IRX6: variants seen among roughly 807,000 people sequenced by gnomAD.
IRX6 encodes iroquois-class homeodomain protein IRX-6.
Under a neutral mutation model 47.7 loss-of-function variants are expected in IRX6, and 46 were observed. That is an observed-to-expected ratio of 0.96 (90% CI 0.76 to 1.23). The LOEUF (loss-of-function observed/expected upper bound fraction) is 1.23, where lower values mean the gene tolerates loss of function less well. IRX6 is among the 50% of genes most tolerant of loss of function. IRX6 has a pLI of 0.00. For synonymous variants in IRX6, 265 were observed against 246.2 expected (o/e 1.08, Z -0.72); for missense variants, 722 against 588.0 (o/e 1.23, Z -2.36).
intron 5 of IRX6, 130 bp from the exon 6 acceptor site, chr16:55,330,168 C>T (rs1960617391): frequency 2.5e-6 from 2 of 799,508 alleles, no homozygotes; most frequent in Non-Finnish European, 4.4e-6. Flanking sequence ...CGGATCCAAA[C>T]ATTACCTCTG....
chr16:55,325,567 A>G (rs76358269), intron 1 of IRX6, among the ~76,000 whole-genome samples: 1,495 of 57,222 alleles, frequency 0.026, 300 homozygotes, highest in Non-Finnish European at 0.035. Flanking sequence ...GAGAGAAAGA[A>G]AGAGAAAGAA....
Position 55,327,592 on chromosome 16 carries a change from C to T in IRX6, c.420C>T (p.Gly140=), listed in dbSNP as rs146328122. 3.4e-3 allele frequency: 5,509 copies of T among 1,600,564 alleles called. 11 individuals are homozygous for T. The highest frequency in any genetic ancestry group is 4.5e-3 in the Non-Finnish European group (5,245 of 1,173,892). Residue 140 remains glycine (G), a synonymous_variant, in exon 4 of 6, where the codon GGC becomes GGT. Transcript: ENST00000290552. ...GCCAGGTTCTCCCCCACAGGTATGG[C>T]GCAGTGGAATTGAGTGGCGCCGGTC... ...TLGQYQYERY[G]AVELSGAGRR...
chr16:55,327,025 A>G (rs1338924003), intron 2 of IRX6: 1 of 437,920 alleles, frequency 2.3e-6, no homozygotes, highest in Non-Finnish European at 4.1e-6. Context: ...AACAGCAGCT[A>G]ATATTTAACT....
rs745498535 is a variant in IRX6, at chr16:55,326,397, A to G, written c.107A>G (p.Asp36Gly). 6.9e-5 allele frequency: 111 copies of G among 1,613,918 alleles called. No individual in the cohort carries two copies. The highest frequency in any genetic ancestry group is 9.2e-5 in the Non-Finnish European group (108 of 1,180,024). ...GAATCTACCCAACGCTCTGTCTCAG[A>G]TGTGGCATCAGGCTCCACCCCAGCG... is the stretch of plus-strand genomic sequence containing the variant. Reference protein sequence around the residue: ...CCESTQRSVSDVASGSTPAPA... With the variant: ...CCESTQRSVSGVASGSTPAPA... Residue 36 changes from aspartate (D) to glycine (G), a missense_variant, in exon 2 of 6, where the codon GAT (aspartate) becomes GGT (glycine). By Grantham distance (94) the Asp-to-Gly change is moderately conservative. Coordinates refer to ENST00000290552, the MANE Select transcript of IRX6 (RefSeq NM_024335.3).
intron 4 of IRX6, among the ~76,000 whole-genome samples, chr16:55,328,099 G>C (rs188460050): frequency 8.5e-5 from 13 of 152,102 alleles, no homozygotes; most frequent in Admixed American, 8.5e-4. Flanking sequence ...ACATCAAAGT[G>C]TTACCTCCTA....
chr16:55,326,662 A>G lies in IRX6; in HGVS notation c.303+69A>G, dbSNP rs1960534300. On this transcript the variant is annotated intron_variant, in intron 2 of 5. Coordinates refer to ENST00000290552, the MANE Select transcript of IRX6 (RefSeq NM_024335.3). Reference sequence around the variant, plus strand: ...AGGTGAAATCCAGAGAAAGTCAAGGAAAGACCCACACCTCCCGAGGAAAGG... The same window carrying G: ...AGGTGAAATCCAGAGAAAGTCAAGGGAAGACCCACACCTCCCGAGGAAAGG... The G allele has an allele frequency of 1.5e-5, 21 of 1,425,570 alleles. No homozygotes were observed. The South Asian group carries it at 3.0e-4, about 20-fold the overall frequency. 88.3% of individuals were successfully genotyped at this position (1,425,570 alleles called of 1,614,324 possible). A position where few individuals can be genotyped will look rare whatever the true frequency, so the allele number is the denominator to read the frequency against.
In IRX6 at chr16:55,326,447, G is replaced by T; in HGVS notation, c.157G>T (p.Asp53Tyr). Residue 53 changes from aspartate (D) to tyrosine (Y), a missense_variant, in exon 2 of 6, where the codon GAT becomes TAT. By Grantham distance (160) the Asp-to-Tyr change is radical. Coordinates refer to ENST00000290552, the MANE Select transcript of IRX6 (RefSeq NM_024335.3). ...GCCCGCTCTCTGCTGCGCACCCTACGATAGTCGACTGCTGGGCAGTGCGCG... is the reference window on the plus strand; with the variant it reads ...GCCCGCTCTCTGCTGCGCACCCTACTATAGTCGACTGCTGGGCAGTGCGCG... ...PAPALCCAPY[D>Y]SRLLGSARPE... The T allele has an allele frequency of 8.7e-6, 14 of 1,613,868 alleles. No individual in the cohort carries two copies. The highest frequency in any genetic ancestry group is 1.2e-5 in the Non-Finnish European group (14 of 1,180,038).
At position 55,324,533 on chromosome 16, in the gene IRX6, GGGTAGGATTCA is replaced by G. The variant is rs1960474521; in HGVS notation, c.-557_-547del. ...GCGCGCGTGAGCTCCAGGCGAAAAG[GGGTAGGATTCA>G]GCGCCGAGCAGAGAGGGTCAGGGTT... On this transcript the variant is annotated 5_prime_UTR_variant, in exon 1 of 6. Transcript: ENST00000290552. The surrounding 1 kb of genome is among the most constrained non-coding windows in gnomAD (Gnocchi z 4.4). The G allele has an allele frequency of 1.3e-5, 2 of 153,370 alleles. No individual in the cohort carries two copies. The highest frequency in any genetic ancestry group is 1.3e-4 in the Admixed American group (2 of 15,350). The allele number at this position is 153,370 out of a possible 1,614,324, so 9.5% of individuals were successfully genotyped here.
At position 55,328,777 on chromosome 16, in the gene IRX6, G is replaced by T; in HGVS notation, c.799G>T (p.Glu267Ter). 6.2e-7 allele frequency: 1 copy of T among 1,613,236 alleles called. No homozygotes were observed. The highest frequency in any genetic ancestry group is 8.5e-7 in the Non-Finnish European group (1 of 1,180,010). ...CCTGGAGGAAGAGGAGGAGGAGGAG[G>T]AGGAAGCTGAAGACGAGGAGGTAGT... ...EDLEEEEEEE[E>*]EAEDEEVVAT... The change falls in exon 5 of 6, where the codon GAG becomes TAG. Residue 267 changes from glutamate (E) to a stop codon, truncating the protein, a stop_gained. Coordinates refer to ENST00000290552, the MANE Select transcript of IRX6 (RefSeq NM_024335.3). LOFTEE classifies it high-confidence loss of function.
rs1340890371 is a variant in IRX6 at position 55,329,135 on chromosome 16, C to G, written c.1157C>G (p.Pro386Arg). ...PECRMIPGQPPASARRLSVPR... is the reference protein window; with the variant it reads ...PECRMIPGQPRASARRLSVPR... ...TGCCGTATGATTCCTGGACAGCCTC[C>G]TGCCTCTGCCCGGCGACTCTCAGTC... Residue 386 changes from proline (P) to arginine (R), a missense_variant, in exon 5 of 6, where the codon CCT (proline) becomes CGT (arginine). Pro to Arg is a moderately radical substitution (Grantham distance 103). Transcript: ENST00000290552. The G allele has an allele frequency of 1.2e-6, 2 of 1,614,154 alleles. No homozygotes were observed. Among genetic ancestry groups the G allele is most frequent in the Admixed American group, 1.7e-5 (1 of 60,030 alleles).
rs754398336 is a variant in IRX6 at position 55,327,802 on chromosome 16, G to T, written c.630G>T (p.Met210Ile). ...GGCGCCTCAAGAAAGAGAACAAAATGACATGGGCGCCCAAGAACAAAGGTG... is the reference window on the plus strand; with the variant it reads ...GGCGCCTCAAGAAAGAGAACAAAATTACATGGGCGCCCAAGAACAAAGGTG... ...ARRRLKKENKMTWAPKNKGGE... is the reference protein window; with the variant it reads ...ARRRLKKENKITWAPKNKGGE... Residue 210 changes from methionine to isoleucine, a missense_variant, in exon 4 of 6, where the codon ATG becomes ATT. Coordinates refer to ENST00000290552, the MANE Select transcript of IRX6 (RefSeq NM_024335.3). The T allele has an allele frequency of 2.0e-5, 32 of 1,612,824 alleles. No homozygotes were observed. Among genetic ancestry groups the T allele is most frequent in the Non-Finnish European group, 2.7e-5 (32 of 1,179,852 alleles).
intron 5 of IRX6, among the ~76,000 whole-genome samples, chr16:55,329,931 A>G (rs1960613916): frequency 6.6e-6 from 1 of 152,204 alleles, no homozygotes; most frequent in South Asian, 2.1e-4. Context: ...CCCAGGGCTC[A>G]TCCCCAGGCA....
At chr16:55,328,608 G>A in intron 4 of IRX6, 92 bp from the exon 5 acceptor site, 1 of 1,313,684 alleles carries the variant, frequency 7.6e-7, no homozygotes. Flanking sequence ...TGAGTGCAGG[G>A]CGCTTCTTGC....
At chr16:55,330,238 G>C in intron 5 of IRX6, 60 bp from the exon 6 acceptor site, 1 of 1,551,478 alleles carries the variant, frequency 6.4e-7, no homozygotes, top group South Asian at 1.1e-5. Flanking sequence ...CTGACCCAGA[G>C]GTTTCCTAAG....
intron 1 of IRX6, among the ~76,000 whole-genome samples, chr16:55,325,605 G>A (rs1960507784): frequency 1.3e-5 from 2 of 149,556 alleles, no homozygotes; most frequent in Non-Finnish European, 3.0e-5. Context: ...GAAAGAAAAA[G>A]AAAGAGAAAG....
In IRX6 at chr16:55,329,237, T is replaced by A. The variant is rs1567340566; in HGVS notation, c.1259T>A (p.Leu420Gln). 6.2e-7 allele frequency: 1 copy of A among 1,613,906 alleles called. No homozygotes were observed. The highest frequency in any genetic ancestry group is 8.5e-7 in the Non-Finnish European group (1 of 1,180,052). ...AACCCCAAGTTTGCCCTGCAGGGAC[T>A]ACCGCTGAACTGTGCGCCGTGCCCG... is the stretch of plus-strand genomic sequence containing the variant. Reference protein sequence around the residue: ...FGNPKFALQGLPLNCAPCPRR... With the variant: ...FGNPKFALQGQPLNCAPCPRR... Residue 420 changes from leucine (L) to glutamine (Q), a missense_variant, in exon 5 of 6, where the codon CTA (leucine) becomes CAA (glutamine). Coordinates refer to ENST00000290552, the MANE Select transcript of IRX6 (RefSeq NM_024335.3).
In IRX6 at chr16:55,330,690, A is replaced by G. The variant is rs145195703; in HGVS notation, c.*385A>G. ...TAACTTCATCACTGACCCGGCCAATAAGGACCCTGTGCGTCTTCTCCCCCT... is the reference window on the plus strand; with the variant it reads ...TAACTTCATCACTGACCCGGCCAATGAGGACCCTGTGCGTCTTCTCCCCCT... On this transcript the variant is annotated 3_prime_UTR_variant, in exon 6 of 6. Coordinates refer to ENST00000290552, the MANE Select transcript of IRX6 (RefSeq NM_024335.3). 110 of 308,302 alleles carry G rather than the reference A, an allele frequency of 3.6e-4. No individual in the cohort carries two copies. The highest frequency in any genetic ancestry group is 2.2e-3 in the African/African-American group (104 of 47,368). 19.1% of individuals were successfully genotyped at this position (308,302 alleles called of 1,614,324 possible). A position where few individuals can be genotyped will look rare whatever the true frequency, so the allele number is the denominator to read the frequency against.
intron 1 of IRX6, among the ~76,000 whole-genome samples, chr16:55,325,557 GAGAGAA>G (rs1382127728): frequency 0.054 from 1,141 of 21,074 alleles, 408 homozygotes; most frequent in East Asian, 0.13. Flanking sequence ...GAGAGAGAGA[GAGAGAA>G]AGAAAGAGAA....
At position 55,329,061 on chromosome 16, in the gene IRX6, C is replaced by T; in HGVS notation, c.1083C>T (p.Ser361=). 3 of 1,614,076 alleles carry T rather than the reference C, an allele frequency of 1.9e-6. No individual in the cohort carries two copies. The highest frequency in any genetic ancestry group is 2.5e-6 in the Non-Finnish European group (3 of 1,180,034). The part of the protein sequence containing the change: ...IWSLAHTATA[S]AVEGAPPARP... ...CTCTGGCGCACACCGCGACAGCCAGCGCTGTTGAAGGTGCACCCCCAGCCC... is the reference window on the plus strand; with the variant it reads ...CTCTGGCGCACACCGCGACAGCCAGTGCTGTTGAAGGTGCACCCCCAGCCC... The change falls in exon 5 of 6, where the codon AGC becomes AGT. Residue 361 remains serine (S), a synonymous_variant. Transcript: ENST00000290552.
Sources: gnomAD v4.1 joint callset for allele counts (sites outside exome capture counted in the v4.1 genomes callset) on GRCh38, gnomAD v4.1.1 for gene constraint, Gnocchi (gnomAD v3.1) non-coding constraint, MANE v1.5 for transcripts, NCBI Gene and HGNC (gene_info 2026-07-23, HGNC 2026-07-21) for gene names.